Variants in HERC5 observed in about 807,000 individuals in gnomAD.
HERC5 encodes HECT and RLD domain containing E3 ubiquitin protein ligase 5.
Under a neutral mutation model 119.6 loss-of-function variants are expected in HERC5, and 99 were observed. The observed-to-expected ratio is 0.83, with a 90% CI of 0.70 to 0.98. The LOEUF (loss-of-function observed/expected upper bound fraction) is 0.98. Ranked by LOEUF, HERC5 falls within the 50% of genes least tolerant of loss-of-function variation. HERC5 has a pLI of 0.00. For synonymous variants in HERC5, 478 were observed against 445.9 expected, an observed-to-expected ratio of 1.07 and a Z score of -0.91; for missense variants, 1,267 against 1,241.3, an observed-to-expected ratio of 1.02 and a Z score of -0.31.
At chr4:88,503,340 C>T (rs1330572529) in intron 20 of HERC5, among the ~76,000 whole-genome samples, 1 of 151,984 alleles carries the variant, frequency 6.6e-6, no homozygotes, top group Non-Finnish European at 1.5e-5. Flanking sequence ...TTTTGTCATT[C>T]TTGAAAAAAT....
chr4:88,479,968 G>GAGGC (rs1305951328), intron 13 of HERC5, among the ~76,000 whole-genome samples: 2 of 151,708 alleles, frequency 1.3e-5, no homozygotes, highest in Non-Finnish European at 2.9e-5. Flanking sequence ...TCGGGAGGCT[G>GAGGC]AGGCAGGAGA....
chr4:88,495,570 A>C (rs906233578), intron 18 of HERC5, among the ~76,000 whole-genome samples: 13 of 152,296 alleles, frequency 8.5e-5, no homozygotes, highest in Admixed American at 1.3e-4. Context: ...AATTAAAAAA[A>C]AAGAATAAGA....
intron 16 of HERC5, among the ~76,000 whole-genome samples, chr4:88,491,583 G>A (rs1378937337): frequency 6.6e-6 from 1 of 152,188 alleles, no homozygotes; most frequent in Non-Finnish European, 1.5e-5. Flanking sequence ...AGTGGAAAAT[G>A]AGTTAACGAA....
In HERC5 at chr4:88,489,312, T is replaced by C; in HGVS notation, c.2109T>C (p.Asn703=). 1 of 1,613,144 alleles carries C rather than the reference T, an allele frequency of 6.2e-7. No homozygotes were observed. The highest frequency in any genetic ancestry group is 1.1e-5 in the South Asian group (1 of 90,700). Residue 703 remains asparagine (N), a synonymous_variant, in exon 16 of 23, where the codon AAT becomes AAC. Transcript: ENST00000264350. ...TGAATCAGCTAAGTCAATTTGAGAATGAAGACCTGAGGAAAGAGTTATGGG... is the reference window on the plus strand; with the variant it reads ...TGAATCAGCTAAGTCAATTTGAGAACGAAGACCTGAGGAAAGAGTTATGGG... ...DVLNQLSQFE[N]EDLRKELWVS... is the part of the protein sequence containing the mutation.
Position 88,469,986 on chromosome 4 carries a change from C to G in HERC5, c.1239-628C>G, listed in dbSNP as rs17014153. On this transcript the variant is annotated intron_variant, in intron 9 of 22. Transcript: ENST00000264350. ...ATCCTGGAACCATTAGTTTGTGTAC[C>G]TGTTATTCTTAGCTGAACAATTTGT... is the stretch of plus-strand genomic sequence containing the variant. Among the ~76,000 whole-genome samples the G allele has an allele frequency of 7.5e-3, 1,135 of 152,252 alleles. 13 individuals carry two copies. Among genetic ancestry groups the G allele is most frequent in the African/African-American group, 0.025 (1,057 of 41,558 alleles).
In HERC5 at chr4:88,493,718, T is replaced by C. The variant is rs866839802; in HGVS notation, c.2278-447T>C. On this transcript the variant is annotated intron_variant, in intron 17 of 22. Transcript: ENST00000264350. ...GCCTCCCAAGCTCAAGCCATTCTCT[T>C]GCCTCAGCCTGGCGGGATTACAATA... Among the ~76,000 whole-genome samples, 6 of 152,172 alleles carry C rather than the reference T, an allele frequency of 3.9e-5. No homozygotes were observed. In the South Asian group the frequency reaches 8.3e-4, roughly 21 times the overall value.
chr4:88,478,624 T>G (rs976051115), intron 12 of HERC5, among the ~76,000 whole-genome samples: 2 of 152,164 alleles, frequency 1.3e-5, no homozygotes, highest in African/African-American at 4.8e-5. Context: ...AAATATTTTT[T>G]TTTTTGAGAT....
Position 88,469,104 on chromosome 4 carries a change from C to A in HERC5, c.1135-53C>A, listed in dbSNP as rs1481465935. 4.1e-6 allele frequency: 5 copies of A among 1,211,736 alleles called. No individual in the cohort carries two copies. The African/African-American group carries it at 7.6e-5, about 18-fold the overall frequency. 75.1% of individuals were successfully genotyped at this position (1,211,736 alleles called of 1,614,324 possible). On this transcript the variant is annotated intron_variant, in intron 8 of 22. Transcript: ENST00000264350. ...CTAGAGTGTACCTAAAAGTTGGGTG[C>A]CTATCTCTGATGTGTCTAAATTATT... is the stretch of plus-strand genomic sequence containing the variant.
At chr4:88,471,541 A>G (rs998813190) in intron 10 of HERC5, among the ~76,000 whole-genome samples, 3 of 151,214 alleles carry the variant, frequency 2.0e-5, no homozygotes, top group Admixed American at 6.6e-5. Flanking sequence ...CAGCTTTGCT[A>G]TGTTGCCCAG....
chr4:88,470,974 T>C lies in HERC5; in HGVS notation c.1298+301T>C, dbSNP rs144118380. 1.3e-3 allele frequency among the ~76,000 whole-genome samples: 192 copies of C among 150,904 alleles called. 2 individuals are homozygous for C. The highest frequency in any genetic ancestry group is 4.6e-3 in the African/African-American group (186 of 40,484). On this transcript the variant is annotated intron_variant, in intron 10 of 22. Transcript: ENST00000264350. ...AGATCATACTGGTTCTTTGTTTTTT[T>C]CTTTTTTTTTTTGAGACAGGGTCTT...
chr4:88,504,376 T>G lies in HERC5; in HGVS notation c.2727T>G (p.Ile909Met). Residue 909 changes from isoleucine (I) to methionine (M), a missense_variant, in exon 21 of 23, where the codon ATT (isoleucine) becomes ATG (methionine). Physicochemically the swap from Ile to Met is conservative, Grantham distance 10. This residue lies in a region of HERC5 where 473 missense variants were observed against 445.7 expected (regional missense o/e 1.06). Coordinates refer to ENST00000264350, the MANE Select transcript of HERC5 (RefSeq NM_016323.4). ...ACCCCGAAGAACTGAAGGATGTGAT[T>G]GTTGGAAATACAGATTATGATTGGA... ...LFHPEELKDV[I>M]VGNTDYDWKT... is the part of the protein sequence containing the mutation. 6.2e-7 allele frequency: 1 copy of G among 1,610,710 alleles called. No individual in the cohort carries two copies.
Position 88,504,430 on chromosome 4 carries a change from C to CAG in HERC5, c.2766+15_2766+16insAG. On this transcript the variant is annotated intron_variant, in intron 21 of 22. Transcript: ENST00000264350. ...CATTTGAAAAGGTACATCATCAAGT[C>CAG]TAAGTTGATTAAATTCAGTTTTCCT... is the stretch of plus-strand genomic sequence containing the variant. 6.4e-7 allele frequency: 1 copy of CAG among 1,574,320 alleles called. No homozygotes were observed. Among genetic ancestry groups the CAG allele is most frequent in the Non-Finnish European group, 8.6e-7 (1 of 1,158,582 alleles).
intron 7 of HERC5, 123 bp from the exon 8 acceptor site, chr4:88,468,223 A>G: frequency 1.5e-6 from 1 of 676,994 alleles, no homozygotes; most frequent in Non-Finnish European, 2.4e-6. Flanking sequence ...AAATGTACTA[A>G]GTTTTGTCTA....
intron 6 of HERC5, among the ~76,000 whole-genome samples, chr4:88,465,207 G>A (rs552088579): frequency 3.9e-5 from 6 of 152,262 alleles, no homozygotes; most frequent in South Asian, 2.1e-4. Context: ...GAGCCACCAC[G>A]CCACTATTTA....
chr4:88,486,137 T>C lies in HERC5; in HGVS notation c.1760T>C (p.Leu587Pro). ...AAGGTAAACCAGGTGAAATGTCAAC[T>C]ACCTGAAAGTATTTTCCAAGTAGAC... is the stretch of plus-strand genomic sequence containing the variant. ...LHRVNQVKCQ[L>P]PESIFQVDEL... The change falls in exon 14 of 23, where the codon CTA becomes CCA. Residue 587 changes from leucine (L) to proline (P), a missense_variant. This residue lies in a region of HERC5 where 777 missense variants were observed against 758.0 expected (regional missense o/e 1.03). Coordinates refer to ENST00000264350, the MANE Select transcript of HERC5 (RefSeq NM_016323.4). 6.2e-7 allele frequency: 1 copy of C among 1,609,832 alleles called. No individual in the cohort carries two copies. The highest frequency in any genetic ancestry group is 8.5e-7 in the Non-Finnish European group (1 of 1,177,410).
intron 4 of HERC5, among the ~76,000 whole-genome samples, chr4:88,462,937 TCTG>T (rs1740503614): frequency 6.6e-6 from 1 of 152,198 alleles, no homozygotes; most frequent in Non-Finnish European, 1.5e-5. Context: ...TGTAAGAAAT[TCTG>T]CTGCTTTACC....
At chr4:88,472,057 A>G (rs1370381007) in intron 10 of HERC5, among the ~76,000 whole-genome samples, 1 of 150,024 alleles carries the variant, frequency 6.7e-6, no homozygotes, top group African/African-American at 2.5e-5. Context: ...GTACAGTGGC[A>G]TGTTCACAAC....
chr4:88,497,258 A>G (rs903500155), intron 18 of HERC5, among the ~76,000 whole-genome samples: 1 of 152,210 alleles, frequency 6.6e-6, no homozygotes, highest in African/African-American at 2.4e-5. Context: ...AAAATCATGT[A>G]TTGCCCTATA....
At chr4:88,493,389 A>G (rs1428401035) in intron 17 of HERC5, among the ~76,000 whole-genome samples, 2 of 152,156 alleles carry the variant, frequency 1.3e-5, no homozygotes, top group Non-Finnish European at 2.9e-5. Context: ...GATCATTTAT[A>G]TAATGCATGG....
Sources: allele counts gnomAD v4.1 joint callset (sites outside exome capture counted in the v4.1 genomes callset), GRCh38; gene constraint gnomAD v4.1.1; regional missense constraint gnomAD v4.1.1; transcripts MANE v1.5; gene names NCBI Gene and HGNC (gene_info 2026-07-23, HGNC 2026-07-21).